The following SOX5 variants were observed in gnomAD, a reference collection of about 807,000 sequenced individuals.
SOX5 encodes the protein transcription factor SOX-5.
A neutral mutation model predicts 92.0 loss-of-function variants in SOX5; 9 were observed. That is an observed-to-expected ratio of 0.10 (90% CI 0.06 to 0.17). The LOEUF (loss-of-function observed/expected upper bound fraction) is 0.17, where lower values mean the gene tolerates loss of function less well. Among genes scored for constraint, SOX5 ranks in the 10% least tolerant of loss-of-function variants. SOX5 has a pLI of 1.00. For synonymous variants in SOX5, 344 were observed against 336.3 expected, an observed-to-expected ratio of 1.02 and a Z score of -0.25; for missense variants, 642 against 944.5, an observed-to-expected ratio of 0.68 and a Z score of 4.20.
At chr12:23,879,906 G>C (rs921413890) in intron 2 of SOX5, among the ~76,000 whole-genome samples, 4 of 152,110 alleles carry the variant, frequency 2.6e-5, no homozygotes, top group Non-Finnish European at 5.9e-5. Flanking sequence ...AGAGCAGTAG[G>C]TGGACTGTAG....
chr12:24,560,935 A>C (rs1351185728), intron 1 of SOX5, among the ~76,000 whole-genome samples: 1 of 152,156 alleles, frequency 6.6e-6, no homozygotes, highest in African/African-American at 2.4e-5. Context: ...ACTAGGGGCC[A>C]TTATTTATGA....
intron 2 of SOX5, among the ~76,000 whole-genome samples, chr12:24,344,418 G>T (rs1347386288): frequency 6.6e-6 from 1 of 151,838 alleles, no homozygotes; most frequent in East Asian, 1.9e-4. Context: ...ATCTGACACA[G>T]ATGGGAACAA....
chr12:23,609,580 A>G (rs1232130792), intron 8 of SOX5, among the ~76,000 whole-genome samples: 1 of 152,248 alleles, frequency 6.6e-6, no homozygotes, highest in Non-Finnish European at 1.5e-5. Context: ...TGAAGTCTTC[A>G]TAAGTATGTA....
chr12:24,222,203 C>T (rs1277780676), intron 3 of SOX5, among the ~76,000 whole-genome samples: 1 of 152,196 alleles, frequency 6.6e-6, no homozygotes, highest in Non-Finnish European at 1.5e-5. Context: ...TGTCTCTAAA[C>T]TGGGCCCATG....
chr12:23,578,458 G>T (rs532674485), intron 9 of SOX5, among the ~76,000 whole-genome samples: 2 of 151,380 alleles, frequency 1.3e-5, no homozygotes, highest in African/African-American at 2.4e-5. Context: ...CCACTGCCTC[G>T]TATATTAAAA....
At chr12:24,432,820 C>G (rs904831590) in intron 1 of SOX5, among the ~76,000 whole-genome samples, 1 of 152,016 alleles carries the variant, frequency 6.6e-6, no homozygotes, top group Non-Finnish European at 1.5e-5. Context: ...AAAAAACATC[C>G]AGGATATGCA....
chr12:24,372,222 T>C (rs1956810400), intron 1 of SOX5, among the ~76,000 whole-genome samples: 1 of 152,136 alleles, frequency 6.6e-6, no homozygotes, highest in African/African-American at 2.4e-5. Flanking sequence ...GCCATGTTGG[T>C]TTCCTGCACT....
intron 4 of SOX5, among the ~76,000 whole-genome samples, chr12:24,162,796 T>TA (rs1335898908): frequency 6.6e-6 from 1 of 152,092 alleles, no homozygotes; most frequent in Non-Finnish European, 1.5e-5. Flanking sequence ...ACAACAAACA[T>TA]ACCTGAAGAC....
At chr12:24,405,679 G>A (rs1312657186) in intron 1 of SOX5, among the ~76,000 whole-genome samples, 1 of 152,170 alleles carries the variant, frequency 6.6e-6, no homozygotes, top group Non-Finnish European at 1.5e-5. Flanking sequence ...AGGCCCCACT[G>A]CCTCGACTCT....
At chr12:24,440,666 C>G (rs888191810) in intron 1 of SOX5, among the ~76,000 whole-genome samples, 1 of 148,700 alleles carries the variant, frequency 6.7e-6, no homozygotes, top group Admixed American at 6.7e-5. Context: ...ACCTCAGCAC[C>G]CTTAATTCTC....
intron 4 of SOX5, among the ~76,000 whole-genome samples, chr12:23,974,510 CG>C (rs1697893864): frequency 6.6e-6 from 1 of 152,042 alleles, no homozygotes; most frequent in Admixed American, 6.6e-5. Flanking sequence ...GAAAGGATTA[CG>C]GGGAAAGGAA....
upstream of SOX5, among the ~76,000 whole-genome samples, chr12:23,954,386 CT>C (rs1946022609): frequency 6.6e-6 from 1 of 151,700 alleles, no homozygotes; most frequent in Non-Finnish European, 1.5e-5. Context: ...AAGAAAATGC[CT>C]TTTGCCTGTG....
Position 24,393,002 on chromosome 12 carries a change from A to G in SOX5, c.-250-24363T>C, listed in dbSNP as rs942986055. On this transcript the variant is annotated intron_variant, in intron 1 of 4. Coordinates refer to the SOX5 transcript ENST00000446891. This position sits in a 1 kb window ranked among gnomAD's most constrained non-coding sequence, Gnocchi z 5.0. ...TCAATAGACCAACAGTCCAGCCCAA[A>G]CCCTCTGTTATCAAAGAACAGCAGC... 2.0e-5 allele frequency among the ~76,000 whole-genome samples: 3 copies of G among 151,918 alleles called. No homozygotes were observed. Among genetic ancestry groups the G allele is most frequent in the African/African-American group, 7.3e-5 (3 of 41,362 alleles).
At chr12:23,948,305 G>C (rs1944954393) in intron 1 of SOX5, among the ~76,000 whole-genome samples, 1 of 151,050 alleles carries the variant, frequency 6.6e-6, no homozygotes, top group African/African-American at 2.4e-5. Flanking sequence ...TCCCTGATTT[G>C]ATACTGGCTT....
chr12:24,006,659 T>G (rs1042048423), intron 4 of SOX5, among the ~76,000 whole-genome samples: 2 of 152,154 alleles, frequency 1.3e-5, no homozygotes, highest in Non-Finnish European at 2.9e-5. Context: ...AACTCAGTGT[T>G]AGGAAGATTC....
At chr12:23,571,089 C>A (rs1464486187) in intron 10 of SOX5, among the ~76,000 whole-genome samples, 1 of 146,670 alleles carries the variant, frequency 6.8e-6, no homozygotes, top group Admixed American at 6.8e-5. Context: ...TTGCAGTGAG[C>A]CAACCACTAC....
intron 4 of SOX5, among the ~76,000 whole-genome samples, chr12:23,749,877 C>T (rs916530696): frequency 1.3e-5 from 2 of 151,818 alleles, no homozygotes; most frequent in East Asian, 1.9e-4. Flanking sequence ...CTCAAATATG[C>T]ACTACATTCC....
intron 2 of SOX5, among the ~76,000 whole-genome samples, chr12:24,322,502 C>A (rs75340406): frequency 1.3e-5 from 2 of 152,130 alleles, no homozygotes; most frequent in African/African-American, 4.8e-5. Flanking sequence ...TGTATGCACA[C>A]GTAAGTGTGT....
At chr12:23,957,191 T>A (rs1591793011) in intron 4 of SOX5, among the ~76,000 whole-genome samples, 1 of 152,282 alleles carries the variant, frequency 6.6e-6, no homozygotes, top group South Asian at 2.1e-4. Flanking sequence ...CATACAGCAA[T>A]ATAAGACAGT....
Sources: allele counts gnomAD v4.1 joint callset (sites outside exome capture counted in the v4.1 genomes callset), GRCh38; gene constraint gnomAD v4.1.1; non-coding constraint Gnocchi (gnomAD v3.1); transcripts MANE v1.5; gene names NCBI Gene and HGNC (gene_info 2026-07-23, HGNC 2026-07-21).